CNNM2: variants seen among roughly 807,000 people sequenced by gnomAD.
CNNM2 encodes the protein metal transporter CNNM2.
Under a neutral mutation model 66.9 loss-of-function variants are expected in CNNM2, and 12 were observed. The observed-to-expected ratio is 0.18, with a 90% CI of 0.11 to 0.29. The LOEUF (loss-of-function observed/expected upper bound fraction) is 0.29, where lower values mean the gene tolerates loss of function less well. Ranked by LOEUF, CNNM2 falls within the 10% of genes least tolerant of loss-of-function variation. The pLI is 1.00. For synonymous variants in CNNM2, 557 were observed against 501.8 expected, an observed-to-expected ratio of 1.11 and a Z score of -1.47; for missense variants, 705 against 1,167.7, an observed-to-expected ratio of 0.60 and a Z score of 5.77.
rs2066155674 is a variant in CNNM2, at chr10:103,089,543, A to C, written c.*12363A>C. On this transcript the variant is annotated 3_prime_UTR_variant, in exon 8 of 8. Coordinates refer to ENST00000369878, the MANE Select transcript of CNNM2 (RefSeq NM_017649.5). ...TATCTATGATAATAAAATCTTCAGA[A>C]ACTTTTCAGACGTACCTTTCATGGA... 1 of 1,413,896 alleles carries C rather than the reference A, an allele frequency of 7.1e-7. No individual in the cohort carries two copies. Among genetic ancestry groups the C allele is most frequent in the African/African-American group, 1.4e-5 (1 of 69,228 alleles). The allele number at this position is 1,413,896 out of a possible 1,614,324, so 87.6% of individuals were successfully genotyped here. A position where few individuals can be genotyped will look rare whatever the true frequency, so the allele number is the denominator to read the frequency against.
chr10:102,919,534 A>G lies in CNNM2; in HGVS notation c.1054A>G (p.Ile352Val), dbSNP rs1564804555. 1 of 1,613,364 alleles carries G rather than the reference A, an allele frequency of 6.2e-7. No individual in the cohort carries two copies. The highest frequency in any genetic ancestry group is 8.5e-7 in the Non-Finnish European group (1 of 1,180,038). Residue 352 changes from isoleucine to valine, a missense_variant, in exon 1 of 8, where the codon ATC becomes GTC. This residue lies in a region of CNNM2 where 49 missense variants were observed against 183.7 expected (regional missense o/e 0.27). Coordinates refer to ENST00000369878, the MANE Select transcript of CNNM2 (RefSeq NM_017649.5). ...GGCCGTGGTAGTCTCCACCATCGGT[A>G]TCGTCATCTTCGGAGAGATCGTGCC... ...LVAVVVSTIG[I>V]VIFGEIVPQA...
chr10:103,014,114 G>A (rs1431066027), intron 1 of CNNM2, among the ~76,000 whole-genome samples: 1 of 152,058 alleles, frequency 6.6e-6, no homozygotes, highest in Middle Eastern at 3.2e-3. Context: ...TTCTCTTTAC[G>A]CATTACAGCT....
intron 1 of CNNM2, among the ~76,000 whole-genome samples, chr10:103,027,183 C>T (rs558793310): frequency 6.6e-6 from 1 of 152,298 alleles, no homozygotes; most frequent in Admixed American, 6.5e-5. Context: ...TTACAAGCTA[C>T]CTGTGTTTAT....
Position 103,076,111 on chromosome 10 carries a change from A to G in CNNM2, c.2259A>G (p.Pro753=), listed in dbSNP as rs780444723. The G allele has an allele frequency of 3.1e-6, 5 of 1,612,042 alleles. No individual in the cohort carries two copies. The East Asian group carries it at 1.1e-4, about 36-fold the overall frequency. Residue 753 remains proline, a synonymous_variant, in exon 7 of 8, where the codon CCA becomes CCG. Transcript: ENST00000369878. ...GTGAAAATAAGTCCCCTCCTCGCCC[A>G]TGTGGCTTGAATCACTCAGACTCTC... ...SPGENKSPPR[P]CGLNHSDSLS... is the part of the protein sequence containing the mutation.
At chr10:103,034,340 C>A (rs1164181394) in intron 1 of CNNM2, among the ~76,000 whole-genome samples, 2 of 146,548 alleles carry the variant, frequency 1.4e-5, no homozygotes, top group Non-Finnish European at 1.5e-5. Flanking sequence ...GTTTTAAAAA[C>A]AAAACAAAAC....
chr10:102,999,970 T>G (rs914308364), intron 1 of CNNM2, among the ~76,000 whole-genome samples: 2 of 152,206 alleles, frequency 1.3e-5, no homozygotes, highest in East Asian at 3.8e-4. Flanking sequence ...GCATGGTGGC[T>G]CATGCCTGTA....
chr10:102,975,702 CTAAG>C (rs1266796806), intron 1 of CNNM2, among the ~76,000 whole-genome samples: 1 of 152,112 alleles, frequency 6.6e-6, no homozygotes, highest in Non-Finnish European at 1.5e-5. Flanking sequence ...AACCACAACA[CTAAG>C]TGATTGATCT....
chr10:102,954,981 C>G (rs1470096374), intron 1 of CNNM2, among the ~76,000 whole-genome samples: 3 of 152,122 alleles, frequency 2.0e-5, no homozygotes, highest in Non-Finnish European at 4.4e-5. Flanking sequence ...TCGATGCCAT[C>G]CCCATCAAGC....
intron 1 of CNNM2, among the ~76,000 whole-genome samples, chr10:102,982,125 T>C (rs1047853372): frequency 6.6e-6 from 1 of 152,162 alleles, no homozygotes; most frequent in African/African-American, 2.4e-5. Flanking sequence ...ATTTAAGATA[T>C]TTAGTATCCT....
In CNNM2 at chr10:103,041,252, G is replaced by A. The variant is rs569210909; in HGVS notation, c.1622-8455G>A. On this transcript the variant is annotated intron_variant, in intron 1 of 7. Coordinates refer to ENST00000369878, the MANE Select transcript of CNNM2 (RefSeq NM_017649.5). Reference sequence around the variant, plus strand: ...CTCCCACCGGCTCTTTCCGGTGGTAGTTTTCCAGGTATACACAAATGTCAA... The same window carrying A: ...CTCCCACCGGCTCTTTCCGGTGGTAATTTTCCAGGTATACACAAATGTCAA... Among the ~76,000 whole-genome samples the A allele has an allele frequency of 9.2e-5, 14 of 152,254 alleles. No individual in the cohort carries two copies. The South Asian group carries it at 2.9e-3, about 32-fold the overall frequency.
intron 1 of CNNM2, among the ~76,000 whole-genome samples, chr10:102,960,042 ACT>A (rs2063354825): frequency 6.6e-6 from 1 of 151,746 alleles, no homozygotes. Context: ...ACAGAGCAAG[ACT>A]CTGTCTCAAA....
At chr10:103,009,171 G>T (rs1044750523) in intron 1 of CNNM2, among the ~76,000 whole-genome samples, 7 of 152,126 alleles carry the variant, frequency 4.6e-5, no homozygotes, top group African/African-American at 1.7e-4. Flanking sequence ...AGCTACTTGG[G>T]AGGCTGAGGC....
chr10:103,030,332 C>G (rs2064799587), intron 1 of CNNM2, among the ~76,000 whole-genome samples: 1 of 151,964 alleles, frequency 6.6e-6, no homozygotes, highest in Non-Finnish European at 1.5e-5. Flanking sequence ...GTGAGGTGGC[C>G]TTGAGGAAAT....
chr10:103,003,027 GTAAA>G (rs1252724637), intron 1 of CNNM2, among the ~76,000 whole-genome samples: 28 of 151,934 alleles, frequency 1.8e-4, no homozygotes, highest in African/African-American at 6.8e-4. Context: ...TGGTAAATGG[GTAAA>G]TAAATGTGGT....
rs777695456 is a variant in CNNM2, at chr10:103,049,847, T to C, written c.1762T>C (p.Tyr588His). 3 of 1,613,624 alleles carry C rather than the reference T, an allele frequency of 1.9e-6. No homozygotes were observed. Among genetic ancestry groups the C allele is most frequent in the Non-Finnish European group, 1.7e-6 (2 of 1,179,732 alleles). ...TGAGATTCTTGATGAAACAGATTTATACAGTAAGTAGCATTGTCTGAGTGT... is the reference window on the plus strand; with the variant it reads ...TGAGATTCTTGATGAAACAGATTTACACAGTAAGTAGCATTGTCTGAGTGT... ...KSEILDETDL[Y>H]TDNRTKKKVA... The change falls in exon 2 of 8, where the codon TAC (tyrosine) becomes CAC (histidine). Residue 588 changes from tyrosine to histidine, a missense_variant. Tyr to His is a moderately conservative substitution (Grantham distance 83). This residue lies in a region of CNNM2 where 171 missense variants were observed against 304.8 expected (regional missense o/e 0.56). Coordinates refer to ENST00000369878, the MANE Select transcript of CNNM2 (RefSeq NM_017649.5).
rs898709900 is a variant in CNNM2, at chr10:102,992,630, G to A, written c.1622-57077G>A. Among the ~76,000 whole-genome samples the A allele has an allele frequency of 2.0e-5, 3 of 152,016 alleles. No individual in the cohort carries two copies. The highest frequency in any genetic ancestry group is 6.6e-5 in the Admixed American group (1 of 15,232). On this transcript the variant is annotated intron_variant, in intron 1 of 7. Coordinates refer to ENST00000369878, the MANE Select transcript of CNNM2 (RefSeq NM_017649.5). ...GTGAGAATGGAGTGTGTGTAAAGGG[G>A]GACTGGGAGGCTGGGAGGTTGACCT...
chr10:102,972,591 G>A (rs1312977930), intron 1 of CNNM2, among the ~76,000 whole-genome samples: 5 of 152,298 alleles, frequency 3.3e-5, no homozygotes, highest in South Asian at 2.1e-4. Context: ...AGCTGAGATC[G>A]CGCCTCTGCA....
chr10:103,052,190 A>G lies in CNNM2; in HGVS notation c.1766-2139A>G, dbSNP rs528859040. Among the ~76,000 whole-genome samples the G allele has an allele frequency of 5.3e-5, 8 of 151,528 alleles. No individual in the cohort carries two copies. The East Asian group carries it at 1.6e-3, about 30-fold the overall frequency. ...CAGCTGCTCGGGAGGCTGAGGCAGG[A>G]GAATCACTTGAACCCAGGAGGCAGA... On this transcript the variant is annotated intron_variant, in intron 2 of 7. Transcript: ENST00000369878.
chr10:103,018,999 G>A lies in CNNM2; in HGVS notation c.1622-30708G>A, dbSNP rs112425217. ...AAGGATATTTACGGCCGGGTGCAGT[G>A]GCTCACGCCTGTAATCCCAGCACTT... On this transcript the variant is annotated intron_variant, in intron 1 of 7. Transcript: ENST00000369878. Among the ~76,000 whole-genome samples, 15,674 of 150,174 alleles carry A rather than the reference G, an allele frequency of 0.1. 846 individuals carry two copies. Among genetic ancestry groups the A allele is most frequent in the Middle Eastern group, 0.16 (48 of 292 alleles).
Sources: gnomAD v4.1 joint callset for allele counts (sites outside exome capture counted in the v4.1 genomes callset) on GRCh38, gnomAD v4.1.1 for gene constraint, gnomAD v4.1.1 regional missense constraint, MANE v1.5 for transcripts, NCBI Gene and HGNC (gene_info 2026-07-23, HGNC 2026-07-21) for gene names.